The following MNAT1 variants were observed in gnomAD, a reference collection of about 807,000 sequenced individuals.
MNAT1 encodes CDK-activating kinase assembly factor MAT1.
In MNAT1, 43 loss-of-function variants were observed where a neutral mutation model predicts 42.0. The ratio of observed to expected loss-of-function variants is 1.02; its 90% CI spans 0.80 to 1.32. MNAT1 has a LOEUF of 1.32. Ranked by LOEUF, MNAT1 falls within the 40% of genes most tolerant of loss-of-function variation. MNAT1 has a pLI of 0.00. For synonymous variants in MNAT1, 118 were observed against 120.0 expected, an observed-to-expected ratio of 0.98 and a Z score of 0.11; for missense variants, 306 against 350.4, an observed-to-expected ratio of 0.87 and a Z score of 1.01.
chr14:60,945,304 A>G (rs1418084693), intron 7 of MNAT1, among the ~76,000 whole-genome samples: 1 of 151,958 alleles, frequency 6.6e-6, no homozygotes, highest in Non-Finnish European at 1.5e-5. Context: ...TCTTTTTATT[A>G]TGTAAGAGGG....
intron 6 of MNAT1, among the ~76,000 whole-genome samples, chr14:60,840,955 G>C (rs553237890): frequency 2.6e-5 from 4 of 152,098 alleles, no homozygotes; most frequent in Non-Finnish European, 5.9e-5. Context: ...ATGAGCCACC[G>C]CACTTGGCCC....
Position 60,758,419 on chromosome 14 carries a change from T to C in MNAT1, c.89+23468T>C, listed in dbSNP as rs556445218. Among the ~76,000 whole-genome samples, 19 of 152,084 alleles carry C rather than the reference T, an allele frequency of 1.2e-4. No homozygotes were observed. The South Asian group carries it at 3.7e-3, about 30-fold the overall frequency. ...AGTCTTACTGTGTTGCCCAGGTTGGTCTCGAACTCCTGGGCTCAAGTGATC... is the reference window on the plus strand; with the variant it reads ...AGTCTTACTGTGTTGCCCAGGTTGGCCTCGAACTCCTGGGCTCAAGTGATC... On this transcript the variant is annotated intron_variant, in intron 1 of 7. Coordinates refer to ENST00000261245, the MANE Select transcript of MNAT1 (RefSeq NM_002431.4).
intron 7 of MNAT1, among the ~76,000 whole-genome samples, chr14:60,962,991 G>A (rs904292130): frequency 3.3e-5 from 5 of 151,408 alleles, no homozygotes; most frequent in Non-Finnish European, 7.4e-5. Context: ...TTTGTTTTTT[G>A]TTTTTTTTAA....
intron 1 of MNAT1, among the ~76,000 whole-genome samples, chr14:60,737,179 T>A (rs1439650387): frequency 1.3e-5 from 2 of 152,092 alleles, no homozygotes; most frequent in Non-Finnish European, 2.9e-5. Flanking sequence ...ATTTAAAAAA[T>A]TTAAAATTAT....
chr14:60,839,657 A>T (rs1303548125), intron 6 of MNAT1, among the ~76,000 whole-genome samples: 2 of 152,214 alleles, frequency 1.3e-5, no homozygotes, highest in African/African-American at 4.8e-5. Context: ...CAGAGCTATG[A>T]CACCCTCTTT....
intron 1 of MNAT1, among the ~76,000 whole-genome samples, chr14:60,737,551 T>A (rs1329155044): frequency 6.6e-6 from 1 of 152,128 alleles, no homozygotes; most frequent in Admixed American, 6.5e-5. Flanking sequence ...AATATTTAAT[T>A]ATCCAGTTTT....
intron 6 of MNAT1, among the ~76,000 whole-genome samples, chr14:60,823,065 A>G (rs2139370979): frequency 6.6e-6 from 1 of 152,222 alleles, no homozygotes; most frequent in South Asian, 2.1e-4. Flanking sequence ...ACTTTTAATG[A>G]TGAAAGAAGT....
intron 1 of MNAT1, among the ~76,000 whole-genome samples, chr14:60,766,627 G>T (rs1214887026): frequency 1.3e-5 from 2 of 151,930 alleles, no homozygotes; most frequent in East Asian, 3.9e-4. Flanking sequence ...CACGAGAATT[G>T]CTTGAACCCG....
chr14:60,940,751 A>G (rs751345352), intron 7 of MNAT1, among the ~76,000 whole-genome samples: 1 of 152,166 alleles, frequency 6.6e-6, no homozygotes, highest in Non-Finnish European at 1.5e-5. Context: ...ATTTATCTGA[A>G]TTCAATGGCT....
chr14:60,785,817 G>C (rs537290181), intron 1 of MNAT1, among the ~76,000 whole-genome samples: 1 of 152,112 alleles, frequency 6.6e-6, no homozygotes, highest in Non-Finnish European at 1.5e-5. Context: ...TGAGAGGATA[G>C]CCAACTGTTT....
At chr14:60,841,239 T>G (rs188870789) in intron 6 of MNAT1, among the ~76,000 whole-genome samples, 2 of 151,968 alleles carry the variant, frequency 1.3e-5, no homozygotes, top group African/African-American at 2.4e-5. Flanking sequence ...TCACTCTCTG[T>G]CTCTCCTTTG....
At chr14:60,823,303 C>T (rs2032953189) in intron 6 of MNAT1, among the ~76,000 whole-genome samples, 1 of 152,084 alleles carries the variant, frequency 6.6e-6, no homozygotes, top group Non-Finnish European at 1.5e-5. Flanking sequence ...CTCTGTTTAT[C>T]TGATTACTTT....
At chr14:60,893,034 T>A (rs1486545578) in intron 7 of MNAT1, among the ~76,000 whole-genome samples, 6 of 151,944 alleles carry the variant, frequency 3.9e-5, no homozygotes, top group Non-Finnish European at 7.4e-5. Flanking sequence ...TTTAGACTAA[T>A]TTTTTTAAAA....
chr14:60,842,021 A>G (rs2033566310), intron 6 of MNAT1, among the ~76,000 whole-genome samples: 1 of 152,234 alleles, frequency 6.6e-6, no homozygotes, highest in Non-Finnish European at 1.5e-5. Flanking sequence ...CAAAACCCAG[A>G]CAAAAGTTGA....
chr14:60,913,699 G>A (rs1212200129), intron 7 of MNAT1, among the ~76,000 whole-genome samples: 2 of 152,134 alleles, frequency 1.3e-5, no homozygotes, highest in Non-Finnish European at 2.9e-5. Flanking sequence ...TTTTGTCTCA[G>A]AGGAGTACCC....
chr14:60,815,631 A>G (rs2032690227), intron 5 of MNAT1, among the ~76,000 whole-genome samples: 1 of 152,224 alleles, frequency 6.6e-6, no homozygotes, highest in African/African-American at 2.4e-5. Flanking sequence ...CCATTGTTGT[A>G]CATTGTGTGT....
At chr14:60,964,452 A>C (rs1010101865) in intron 7 of MNAT1, among the ~76,000 whole-genome samples, 1 of 152,196 alleles carries the variant, frequency 6.6e-6, no homozygotes, top group Non-Finnish European at 1.5e-5. Context: ...GAAAATAATC[A>C]AAGGTATGAT....
intron 7 of MNAT1, among the ~76,000 whole-genome samples, chr14:60,910,514 A>G (rs1381615225): frequency 6.6e-6 from 1 of 152,204 alleles, no homozygotes; most frequent in Non-Finnish European, 1.5e-5. Flanking sequence ...TACCTAATTT[A>G]TTGAGAGTTT....
chr14:60,807,912 T>C (rs1339503037), intron 3 of MNAT1, among the ~76,000 whole-genome samples: 2 of 152,128 alleles, frequency 1.3e-5, no homozygotes, highest in Non-Finnish European at 2.9e-5. Flanking sequence ...TTGTTTGATA[T>C]AAATTATAAA....
Sources: gnomAD v4.1 joint callset for allele counts (sites outside exome capture counted in the v4.1 genomes callset) on GRCh38, gnomAD v4.1.1 for gene constraint, MANE v1.5 for transcripts, NCBI Gene and HGNC (gene_info 2026-07-23, HGNC 2026-07-21) for gene names.